AP3B1: variants seen among roughly 807,000 people sequenced by gnomAD.
The protein encoded by AP3B1 is AP-3 complex subunit beta-1.
A neutral mutation model predicts 132.5 loss-of-function variants in AP3B1; 61 were observed. The ratio of observed to expected loss-of-function variants is 0.46; its 90% CI spans 0.37 to 0.57. The LOEUF (loss-of-function observed/expected upper bound fraction) is 0.57, where lower values mean the gene tolerates loss of function less well. Ranked by LOEUF, AP3B1 falls within the 20% of genes least tolerant of loss-of-function variation. The pLI, the probability that AP3B1 is intolerant of heterozygous loss-of-function variation, is 0.00. For synonymous variants in AP3B1, 388 were observed against 438.3 expected, an observed-to-expected ratio of 0.89 and a Z score of 1.43; for missense variants, 1,120 against 1,289.4, an observed-to-expected ratio of 0.87 and a Z score of 2.01.
chr5:78,180,934 G>A (rs1177669438), intron 8 of AP3B1, among the ~76,000 whole-genome samples: 4 of 151,214 alleles, frequency 2.6e-5, no homozygotes, highest in Admixed American at 6.6e-5. Context: ...AAAAGGTGTC[G>A]AACAAACAAA....
chr5:78,081,987 C>T (rs779910356), intron 22 of AP3B1, among the ~76,000 whole-genome samples: 9 of 151,970 alleles, frequency 5.9e-5, no homozygotes, highest in Non-Finnish European at 1.3e-4. Flanking sequence ...ATGCCCAGTA[C>T]AAAAATGGCC....
At chr5:78,249,095 C>T (rs747591364) in intron 2 of AP3B1, among the ~76,000 whole-genome samples, 12 of 152,128 alleles carry the variant, frequency 7.9e-5, no homozygotes, top group Non-Finnish European at 1.3e-4. Flanking sequence ...TGGCTCATGT[C>T]TGTAATCCCA....
Position 78,034,413 on chromosome 5 carries a change from A to C in AP3B1, c.2842T>G (p.Ser948Ala). ...GAATCACAAAAGTCAATACCCATTG[A>C]AACTGTAATGGATCCCTCAGGCTCA... ...SLEPEGSITV[S>A]MGIDFCDSTQ... The change falls in exon 24 of 27, where the codon TCA becomes GCA. Residue 948 changes from serine to alanine, a missense_variant. By Grantham distance (99) the Ser-to-Ala change is moderately conservative (BLOSUM62 1). Transcript: ENST00000255194. 1 of 1,611,970 alleles carries C rather than the reference A, an allele frequency of 6.2e-7. No individual in the cohort carries two copies. The highest frequency in any genetic ancestry group is 1.1e-5 in the South Asian group (1 of 91,016).
At chr5:78,292,909 C>A (rs907205729) in intron 1 of AP3B1, among the ~76,000 whole-genome samples, 2 of 151,840 alleles carry the variant, frequency 1.3e-5, no homozygotes, top group African/African-American at 4.8e-5. Flanking sequence ...GACGGAGTCT[C>A]ACTCTGTCGC....
chr5:78,043,195 GT>G, intron 22 of AP3B1: 1 of 154,474 alleles, frequency 6.5e-6, no homozygotes, highest in East Asian at 1.9e-4. Flanking sequence ...GAGTGCGGTG[GT>G]GTGATATGAG....
At chr5:78,031,388 T>C (rs1747569519) in intron 24 of AP3B1, among the ~76,000 whole-genome samples, 1 of 152,192 alleles carries the variant, frequency 6.6e-6, no homozygotes, top group Admixed American at 6.5e-5. Context: ...TCTGAGAATA[T>C]TTTGGATACT....
intron 17 of AP3B1, among the ~76,000 whole-genome samples, chr5:78,116,614 GAA>G (rs938562590): frequency 7.1e-6 from 1 of 140,346 alleles, no homozygotes; most frequent in Admixed American, 7.1e-5. Context: ...GGAAAAGAGA[GAA>G]AAAAAAAAAG....
Position 78,223,414 on chromosome 5 carries a change from T to C in AP3B1, c.603+2128A>G, listed in dbSNP as rs967984870. On this transcript the variant is annotated intron_variant, in intron 6 of 26. Coordinates refer to ENST00000255194, the MANE Select transcript of AP3B1 (RefSeq NM_003664.5). ...AGAATCTACCTATGAACACTGAGCA[T>C]GAAACCACTGCAGGGGGGTGAGGGA... Among the ~76,000 whole-genome samples the C allele has an allele frequency of 4.6e-5, 7 of 152,208 alleles. No individual in the cohort carries two copies. The South Asian group carries it at 1.5e-3, about 32-fold the overall frequency.
At chr5:78,148,666 C>T (rs925265212) in intron 14 of AP3B1, among the ~76,000 whole-genome samples, 1 of 152,162 alleles carries the variant, frequency 6.6e-6, no homozygotes, top group Non-Finnish European at 1.5e-5. Context: ...TTTGGTTAGA[C>T]ATTCCTAGTC....
At chr5:78,186,446 T>C (rs564880790) in intron 7 of AP3B1, among the ~76,000 whole-genome samples, 3 of 152,272 alleles carry the variant, frequency 2.0e-5, no homozygotes, top group Non-Finnish European at 2.9e-5. Context: ...AGGTTAAACA[T>C]GTGGAATAAA....
intron 23 of AP3B1, among the ~76,000 whole-genome samples, chr5:78,038,343 C>T (rs886699903): frequency 1.3e-5 from 2 of 152,158 alleles, no homozygotes; most frequent in Non-Finnish European, 1.5e-5. Context: ...GATAAGCAGA[C>T]TAGTCTACAT....
chr5:78,156,768 T>C (rs965879906), intron 13 of AP3B1, among the ~76,000 whole-genome samples: 2 of 152,118 alleles, frequency 1.3e-5, no homozygotes, highest in African/African-American at 4.8e-5. Context: ...CTAAACAACA[T>C]TTTCCCTATT....
intron 8 of AP3B1, among the ~76,000 whole-genome samples, chr5:78,178,366 T>C (rs1744235574): frequency 6.6e-6 from 1 of 152,208 alleles, no homozygotes. Flanking sequence ...CTCACGCCTG[T>C]ACTCCCACCC....
chr5:78,066,616 G>A (rs183647658), intron 22 of AP3B1, among the ~76,000 whole-genome samples: 35 of 152,206 alleles, frequency 2.3e-4, no homozygotes, highest in African/African-American at 8.4e-4. Flanking sequence ...CAAAATTAGA[G>A]AAAAATGAAT....
intron 22 of AP3B1, among the ~76,000 whole-genome samples, chr5:78,076,049 C>T (rs1032504042): frequency 6.6e-6 from 1 of 151,890 alleles, no homozygotes; most frequent in Non-Finnish European, 1.5e-5. Context: ...TATAATGGTA[C>T]AGAGGAAAAA....
chr5:78,273,355 G>A (rs1199886527), intron 1 of AP3B1, among the ~76,000 whole-genome samples: 1 of 152,146 alleles, frequency 6.6e-6, no homozygotes, highest in Non-Finnish European at 1.5e-5. Flanking sequence ...GAACCATGAT[G>A]ATGCCACTGC....
At chr5:78,286,405 G>C (rs956054084) in intron 1 of AP3B1, among the ~76,000 whole-genome samples, 1 of 152,132 alleles carries the variant, frequency 6.6e-6, no homozygotes, top group Non-Finnish European at 1.5e-5. Flanking sequence ...CCTTGCAAAA[G>C]AGGCTTCACA....
rs142836822 is a variant in AP3B1, at chr5:78,029,177, T to C, written c.2894+5184A>G. Among the ~76,000 whole-genome samples, 4 of 152,350 alleles carry C rather than the reference T, an allele frequency of 2.6e-5. No individual in the cohort carries two copies. In the East Asian group the frequency reaches 5.8e-4, roughly 22 times the overall value. ...ATTTGTCCATTTCTGATGTGCATGT[T>C]AAAATATACTATGATTATGGCTTTG... On this transcript the variant is annotated intron_variant, in intron 24 of 26. Coordinates refer to ENST00000255194, the MANE Select transcript of AP3B1 (RefSeq NM_003664.5).
At chr5:78,275,243 T>C (rs980618637) in intron 1 of AP3B1, among the ~76,000 whole-genome samples, 2 of 152,230 alleles carry the variant, frequency 1.3e-5, no homozygotes, top group East Asian at 1.9e-4. Flanking sequence ...AATGCCAACA[T>C]AGAATTCCAT....
Sources: allele counts gnomAD v4.1 joint callset (sites outside exome capture counted in the v4.1 genomes callset), GRCh38; gene constraint gnomAD v4.1.1; transcripts MANE v1.5; gene names NCBI Gene and HGNC (gene_info 2026-07-23, HGNC 2026-07-21).